Variants in PXDNL observed in about 807,000 individuals in gnomAD.
PXDNL encodes the protein probable oxidoreductase PXDNL.
PXDNL carries 145 observed loss-of-function variants against 150.8 expected under a neutral mutation model. The observed-to-expected ratio is 0.96, with a 90% CI of 0.84 to 1.10. PXDNL has a LOEUF of 1.10. Ranked by LOEUF, PXDNL falls within the 50% of genes least tolerant of loss-of-function variation. The pLI is 0.00. For missense variants in PXDNL, 2,087 were observed against 1,873.9 expected (o/e 1.11, Z -2.10); for synonymous variants, 757 against 725.7 (o/e 1.04, Z -0.69).
At chr8:51,388,651 G>A (rs1807799571) in intron 17 of PXDNL, among the ~76,000 whole-genome samples, 1 of 151,714 alleles carries the variant, frequency 6.6e-6, no homozygotes, top group Non-Finnish European at 1.5e-5. Flanking sequence ...CTTCAAACTG[G>A]GTCTCTCTCT....
At chr8:51,751,914 T>C (rs2130977598) in intron 1 of PXDNL, among the ~76,000 whole-genome samples, 1 of 152,302 alleles carries the variant, frequency 6.6e-6, no homozygotes, top group South Asian at 2.1e-4. Context: ...AACTGAGGGT[T>C]GGGCTGCTAT....
At chr8:51,748,630 A>T (rs750674254) in intron 1 of PXDNL, among the ~76,000 whole-genome samples, 3 of 152,200 alleles carry the variant, frequency 2.0e-5, no homozygotes, top group African/African-American at 7.2e-5. Context: ...GAGTTATTTT[A>T]AAAAACTGTG....
intron 2 of PXDNL, among the ~76,000 whole-genome samples, chr8:51,643,424 C>A (rs182018928): frequency 0.028 from 4,293 of 152,154 alleles, 199 homozygotes; most frequent in African/African-American, 0.097. Flanking sequence ...ACAAACCTGA[C>A]AAAAACAAGC....
chr8:51,399,295 A>G (rs935932731), intron 17 of PXDNL, among the ~76,000 whole-genome samples: 2 of 152,234 alleles, frequency 1.3e-5, no homozygotes, highest in East Asian at 1.9e-4. Context: ...AGTTCATCGC[A>G]GTTATTCAGA....
intron 1 of PXDNL, among the ~76,000 whole-genome samples, chr8:51,789,719 A>G (rs908947611): frequency 7.9e-5 from 12 of 152,156 alleles, no homozygotes; most frequent in African/African-American, 2.2e-4. Context: ...CATACACCAG[A>G]CTTGAATGAC....
intron 1 of PXDNL, among the ~76,000 whole-genome samples, chr8:51,691,277 T>A (rs1392986447): frequency 2.0e-5 from 3 of 152,220 alleles, no homozygotes; most frequent in Non-Finnish European, 2.9e-5. Flanking sequence ...TGCCTAGGTT[T>A]TGTTCTAGGG....
At chr8:51,328,725 A>G (rs985486906) in intron 21 of PXDNL, among the ~76,000 whole-genome samples, 4 of 152,214 alleles carry the variant, frequency 2.6e-5, no homozygotes, top group Admixed American at 6.5e-5. Flanking sequence ...ACAAACTACT[A>G]GGTGTTACTG....
intron 18 of PXDNL, 80 bp from the exon 19 acceptor site, chr8:51,372,161 A>G: frequency 1.0e-6 from 1 of 971,604 alleles, no homozygotes; most frequent in South Asian, 1.6e-5. Context: ...GCCACAATGC[A>G]CCAAGAAGAG....
At chr8:51,665,034 G>A (rs1272136073) in intron 1 of PXDNL, among the ~76,000 whole-genome samples, 8 of 152,198 alleles carry the variant, frequency 5.3e-5, no homozygotes, top group African/African-American at 1.7e-4. Context: ...ACAGATGGTG[G>A]CAGCTGCCCT....
intron 12 of PXDNL, among the ~76,000 whole-genome samples, chr8:51,444,781 CACT>C (rs1809635691): frequency 6.6e-6 from 1 of 152,192 alleles, no homozygotes; most frequent in Non-Finnish European, 1.5e-5. Context: ...CCATTCCCAC[CACT>C]GTGATCCTAG....
intron 1 of PXDNL, among the ~76,000 whole-genome samples, chr8:51,693,972 C>T (rs943156065): frequency 6.6e-6 from 1 of 152,152 alleles, no homozygotes; most frequent in Admixed American, 6.5e-5. Flanking sequence ...TTCAAAGTCA[C>T]CAAATCACAC....
intron 1 of PXDNL, among the ~76,000 whole-genome samples, chr8:51,749,979 C>G (rs551684520): frequency 2.0e-5 from 3 of 152,122 alleles, no homozygotes; most frequent in Non-Finnish European, 4.4e-5. Flanking sequence ...AGATTACAGG[C>G]GTGAGCCACC....
chr8:51,419,022 G>A (rs1808877420), intron 14 of PXDNL, among the ~76,000 whole-genome samples: 1 of 152,154 alleles, frequency 6.6e-6, no homozygotes, highest in Non-Finnish European at 1.5e-5. Context: ...TCAGCTTCCT[G>A]CTTCTGCTAT....
chr8:51,687,948 T>G (rs1474407399), intron 1 of PXDNL, among the ~76,000 whole-genome samples: 2 of 152,214 alleles, frequency 1.3e-5, no homozygotes, highest in African/African-American at 4.8e-5. Context: ...GTGAATGTGT[T>G]GCCATTTTTA....
intron 4 of PXDNL, among the ~76,000 whole-genome samples, chr8:51,542,133 A>T (rs1339476403): frequency 6.6e-6 from 1 of 151,708 alleles, no homozygotes; most frequent in Non-Finnish European, 1.5e-5. Context: ...TTCAGGCTTT[A>T]ATTTATTTTG....
intron 2 of PXDNL, among the ~76,000 whole-genome samples, chr8:51,617,565 C>A (rs1372784334): frequency 1.3e-5 from 2 of 152,156 alleles, no homozygotes; most frequent in African/African-American, 2.4e-5. Context: ...AATATGACTT[C>A]GAACAGATAA....
intron 6 of PXDNL, among the ~76,000 whole-genome samples, chr8:51,483,033 GGGTAACCACAAA>G (rs1424570418): frequency 6.6e-5 from 10 of 152,148 alleles, no homozygotes; most frequent in African/African-American, 2.4e-4. Flanking sequence ...TGGAGGGGGT[GGGTAACCACAAA>G]ATAAAGACAT....
chr8:51,672,391 T>C (rs1815514816), intron 1 of PXDNL, among the ~76,000 whole-genome samples: 1 of 152,184 alleles, frequency 6.6e-6, no homozygotes, highest in African/African-American at 2.4e-5. Flanking sequence ...TTGTCAGAAG[T>C]TGGTCCATAG....
chr8:51,809,072 T>C, intron 1 of PXDNL, 109 bp downstream of exon 1: 7 of 1,157,944 alleles, frequency 6.0e-6, no homozygotes, highest in Non-Finnish European at 8.7e-6. Context: ...CTTCTAAGTA[T>C]ACAAGCAGGG....
Sources: gnomAD v4.1 joint callset for allele counts (sites outside exome capture counted in the v4.1 genomes callset) on GRCh38, gnomAD v4.1.1 for gene constraint, MANE v1.5 for transcripts, NCBI Gene and HGNC (gene_info 2026-07-23, HGNC 2026-07-21) for gene names.